GNB5: variants seen among roughly 807,000 people sequenced by gnomAD.
GNB5 encodes the protein G protein subunit beta 5, also known as guanine nucleotide-binding protein subunit beta-5.
A neutral mutation model predicts 55.3 loss-of-function variants in GNB5; 37 were observed. The ratio of observed to expected loss-of-function variants is 0.67; its 90% confidence interval spans 0.51 to 0.88. GNB5 has a LOEUF of 0.88. GNB5 is among the 40% of genes least tolerant of loss of function. The pLI, the probability that GNB5 is intolerant of heterozygous loss-of-function variation, is 0.00. For missense variants in GNB5, 476 were observed against 515.3 expected, an observed-to-expected ratio of 0.92 and a Z score of 0.74; for synonymous variants, 219 against 198.5, an observed-to-expected ratio of 1.10 and a Z score of -0.87.
At chr15:52,168,695 C>T (rs878901599) in intron 3 of GNB5, among the ~76,000 whole-genome samples, 1 of 152,182 alleles carries the variant, frequency 6.6e-6, no homozygotes, top group African/African-American at 2.4e-5. Context: ...AAGCTGGAGG[C>T]ATCAGGCTAC....
At chr15:52,183,940 G>C (rs927161914) in intron 2 of GNB5, among the ~76,000 whole-genome samples, 4 of 152,172 alleles carry the variant, frequency 2.6e-5, no homozygotes, top group African/African-American at 9.7e-5. Flanking sequence ...TCCATTCCTA[G>C]TCTTTGTTGA....
chr15:52,185,472 C>T (rs561954351), intron 1 of GNB5, among the ~76,000 whole-genome samples: 1 of 152,082 alleles, frequency 6.6e-6, no homozygotes, highest in Non-Finnish European at 1.5e-5. Flanking sequence ...AGTGTGCCAG[C>T]GAGGTCATGC....
In GNB5 at chr15:52,164,799, C is replaced by T. The variant is rs114894889; in HGVS notation, c.239-10723G>A. Among the ~76,000 whole-genome samples, 1,461 of 151,986 alleles carry T rather than the reference C, an allele frequency of 9.6e-3. 23 individuals are homozygous for T. The highest frequency in any genetic ancestry group is 0.033 in the African/African-American group (1,387 of 41,422). ...ACTGAGAACTCAAAAGGCCAGAGTG[C>T]CTCTTCTCCACGTGATCACAGCATC... is the stretch of plus-strand genomic sequence containing the variant. On this transcript the variant is annotated intron_variant, in intron 3 of 12. Coordinates refer to ENST00000261837, the MANE Select transcript of GNB5 (RefSeq NM_016194.4).
At position 52,120,012 on chromosome 15, in the gene GNB5, C is replaced by T. The variant is rs541489721; in HGVS notation, c.*2745G>A. On this transcript the variant is annotated 3_prime_UTR_variant, in exon 13 of 13. Coordinates refer to ENST00000261837, the MANE Select transcript of GNB5 (RefSeq NM_016194.4). ...AAGAGGGACGGCTGCCAGGGCCCCACCGGTGAGAGGCTGACCGCGCATTCT... is the reference window on the plus strand; with the variant it reads ...AAGAGGGACGGCTGCCAGGGCCCCATCGGTGAGAGGCTGACCGCGCATTCT... The T allele has an allele frequency of 2.0e-5, 3 of 152,428 alleles. No homozygotes were observed. The highest frequency in any genetic ancestry group is 3.8e-4 in the East Asian group (2 of 5,196). The allele number at this position is 152,428 out of a possible 1,614,324, so 9.4% of individuals were successfully genotyped here.
At chr15:52,140,551 C>T (rs377465898) in intron 7 of GNB5, among the ~76,000 whole-genome samples, 3 of 152,326 alleles carry the variant, frequency 2.0e-5, no homozygotes, top group Non-Finnish European at 1.5e-5. Context: ...CCCAGAGCCA[C>T]GTGGTATCTG....
intron 1 of GNB5, among the ~76,000 whole-genome samples, chr15:52,185,647 T>C (rs185591322): frequency 7.9e-5 from 12 of 152,152 alleles, no homozygotes; most frequent in Non-Finnish European, 1.5e-4. Flanking sequence ...AGAAAGTAAC[T>C]TTTATCTGAG....
At chr15:52,140,616 A>G (rs181921833) in intron 7 of GNB5, among the ~76,000 whole-genome samples, 42 of 152,338 alleles carry the variant, frequency 2.8e-4, no homozygotes, top group African/African-American at 1.0e-3. Context: ...GAATAAATAA[A>G]CGATGCGGTG....
chr15:52,183,106 C>T (rs921432516), intron 2 of GNB5, among the ~76,000 whole-genome samples: 27 of 152,270 alleles, frequency 1.8e-4, no homozygotes, highest in African/African-American at 6.5e-4. Context: ...GAGCCGAGAT[C>T]GTGCCACTGC....
intron 3 of GNB5, among the ~76,000 whole-genome samples, chr15:52,178,455 C>A (rs1218373812): frequency 6.6e-6 from 1 of 152,166 alleles, no homozygotes; most frequent in Non-Finnish European, 1.5e-5. Flanking sequence ...GGAGCTGTGG[C>A]AATCATATTA....
chr15:52,133,680 G>T (rs2033634007), intron 8 of GNB5, among the ~76,000 whole-genome samples: 1 of 152,182 alleles, frequency 6.6e-6, no homozygotes, highest in Non-Finnish European at 1.5e-5. Context: ...GAGGCAGGAG[G>T]GAAGGCACTC....
intron 3 of GNB5, among the ~76,000 whole-genome samples, chr15:52,179,211 CTCCGTT>C (rs1366996191): frequency 6.6e-6 from 1 of 152,188 alleles, no homozygotes; most frequent in Non-Finnish European, 1.5e-5. Context: ...TAGTGAGCTC[CTCCGTT>C]TCCCTTCTCT....
chr15:52,141,106 C>A (rs2033842222), intron 7 of GNB5, 34 bp downstream of exon 7: 1 of 1,608,616 alleles, frequency 6.2e-7, no homozygotes, highest in Non-Finnish European at 8.5e-7. Context: ...TGCTCCTTGG[C>A]AGGTCAACCT....
chr15:52,152,629 ATC>A (rs2034123441), intron 4 of GNB5, among the ~76,000 whole-genome samples: 2 of 138,124 alleles, frequency 1.4e-5, no homozygotes, highest in South Asian at 4.7e-4. Flanking sequence ...CTGGCTGAAT[ATC>A]TCTCTTTTTT....
chr15:52,167,797 A>G, intron 3 of GNB5, among the ~76,000 whole-genome samples: 1 of 152,318 alleles, frequency 6.6e-6, no homozygotes, highest in East Asian at 1.9e-4. Context: ...CAAAAAACTT[A>G]TCCAACACTA....
chr15:52,124,542 G>A lies in GNB5; in HGVS notation c.1107C>T (p.Arg369=), dbSNP rs113335851. Residue 369 remains arginine (R), a synonymous_variant, in exon 12 of 13, where the codon CGC becomes CGT. Transcript: ENST00000261837. ...RVSILFGHEN[R]VSTLRVSPDG... is the part of the protein sequence containing the mutation. Reference sequence around the variant, plus strand: ...CGGGGGAAACTCGTAGAGTGCTAACGCGGTTTTCATGTCCAAACAGGATGG... The same window carrying A: ...CGGGGGAAACTCGTAGAGTGCTAACACGGTTTTCATGTCCAAACAGGATGG... The A allele has an allele frequency of 1.1e-3, 1,716 of 1,613,562 alleles. 12 individuals are homozygous for A. In the African/African-American group the frequency reaches 0.016, roughly 15 times the overall value.
intron 3 of GNB5, among the ~76,000 whole-genome samples, chr15:52,168,655 T>G (rs536727504): frequency 2.0e-5 from 3 of 152,188 alleles, no homozygotes. Context: ...AGAGCCCATA[T>G]AGCCAAGATA....
intron 3 of GNB5, among the ~76,000 whole-genome samples, chr15:52,158,125 T>C (rs1158385209): frequency 6.6e-6 from 1 of 151,736 alleles, no homozygotes; most frequent in African/African-American, 2.4e-5. Context: ...AAGACAGGAG[T>C]GCTGTCTTGT....
intron 5 of GNB5, among the ~76,000 whole-genome samples, chr15:52,148,573 T>C (rs949277391): frequency 6.6e-6 from 1 of 152,230 alleles, no homozygotes; most frequent in African/African-American, 2.4e-5. Flanking sequence ...AACATGGCTC[T>C]GTTGTTTGCA....
At chr15:52,185,811 C>G (rs924319629) in intron 1 of GNB5, among the ~76,000 whole-genome samples, 1 of 148,756 alleles carries the variant, frequency 6.7e-6, no homozygotes, top group Non-Finnish European at 1.5e-5. Context: ...GACAGTATCT[C>G]TCTGTCTCCC....
Sources: gnomAD v4.1 joint callset for allele counts (sites outside exome capture counted in the v4.1 genomes callset) on GRCh38, gnomAD v4.1.1 for gene constraint, MANE v1.5 for transcripts, NCBI Gene and HGNC (gene_info 2026-07-23, HGNC 2026-07-21) for gene names.